The following ABLIM2 variants were observed in gnomAD, a reference collection of about 807,000 sequenced individuals.
ABLIM2 encodes actin-binding LIM protein 2.
ABLIM2 carries 53 observed loss-of-function variants against 97.7 expected under a neutral mutation model. That is an observed-to-expected ratio of 0.54 (90% CI 0.44 to 0.68). The LOEUF (loss-of-function observed/expected upper bound fraction) is 0.68. ABLIM2 is among the 30% of genes least tolerant of loss of function. The pLI is 0.00. For missense variants in ABLIM2, 835 were observed against 867.2 expected (o/e 0.96, Z 0.47); for synonymous variants, 361 against 345.8 (o/e 1.04, Z -0.49).
chr4:8,132,967 G>C lies in ABLIM2; in HGVS notation c.10+25713C>G, dbSNP rs1179576846. 6.6e-6 allele frequency among the ~76,000 whole-genome samples: 1 copy of C among 152,150 alleles called. No individual in the cohort carries two copies. Among genetic ancestry groups the C allele is most frequent in the East Asian group, 1.9e-4 (1 of 5,190 alleles). On this transcript the variant is annotated intron_variant, in intron 1 of 20. Coordinates refer to ENST00000447017, the MANE Select transcript of ABLIM2 (RefSeq NM_001130083.2). The surrounding 1 kb of genome is among the most constrained non-coding windows in gnomAD (Gnocchi z 8.0). ...GCCACAGACGGCAGCTTAACAACAGGCATTTACTCTCCCCGGTTCTGGAGA... is the reference window on the plus strand; with the variant it reads ...GCCACAGACGGCAGCTTAACAACAGCCATTTACTCTCCCCGGTTCTGGAGA...
chr4:8,074,680 A>G (rs1814737545), intron 6 of ABLIM2, among the ~76,000 whole-genome samples: 1 of 152,064 alleles, frequency 6.6e-6, no homozygotes, highest in African/African-American at 2.4e-5. Flanking sequence ...CAAACAAAGC[A>G]TTATTTTTAA....
chr4:8,106,579 C>T lies in ABLIM2; in HGVS notation c.69G>A (p.Leu23=). ...TGCACACATTCCCACACGTGTTGCA[C>T]AGGATCGCCGTGCTGGGCGACTTCT... ...PLEKSPSTAI[L]CNTCGNVCKG... Residue 23 remains leucine, a synonymous_variant, in exon 2 of 21, where the codon CTG becomes CTA. Transcript: ENST00000447017. 5 of 1,611,318 alleles carry T rather than the reference C, an allele frequency of 3.1e-6. No homozygotes were observed. Among genetic ancestry groups the T allele is most frequent in the Non-Finnish European group, 4.2e-6 (5 of 1,179,028 alleles).
At chr4:8,118,641 C>A (rs1212405806) in intron 1 of ABLIM2, among the ~76,000 whole-genome samples, 1 of 151,962 alleles carries the variant, frequency 6.6e-6, no homozygotes, top group Admixed American at 6.5e-5. Context: ...TGGTACCCAC[C>A]TGGTTGCCTG....
intron 2 of ABLIM2, among the ~76,000 whole-genome samples, chr4:8,104,990 C>A (rs188375255): frequency 6.6e-6 from 1 of 152,188 alleles, no homozygotes; most frequent in African/African-American, 2.4e-5. Context: ...ACCCTCAAGG[C>A]GCCTCCACAG....
In ABLIM2 at chr4:8,150,527, C is replaced by T. The variant is rs1712298412; in HGVS notation, c.10+8153G>A. On this transcript the variant is annotated intron_variant, in intron 1 of 20. Coordinates refer to ENST00000447017, the MANE Select transcript of ABLIM2 (RefSeq NM_001130083.2). The surrounding 1 kb of genome is among the most constrained non-coding windows in gnomAD (Gnocchi z 6.3). ...TGGTGCGCTGGCTGGACTCACATTT[C>T]CAGATCGTCTCTCTAACTCGTCTCT... Among the ~76,000 whole-genome samples, 1 of 152,244 alleles carries T rather than the reference C, an allele frequency of 6.6e-6. No individual in the cohort carries two copies. Among genetic ancestry groups the T allele is most frequent in the Admixed American group, 6.5e-5 (1 of 15,286 alleles).
Position 7,998,923 on chromosome 4 carries a change from G to C in ABLIM2, c.1619-5996C>G, listed in dbSNP as rs1451182095. Among the ~76,000 whole-genome samples the C allele has an allele frequency of 1.3e-5, 2 of 152,344 alleles. No individual in the cohort carries two copies. The highest frequency in any genetic ancestry group is 3.9e-4 in the East Asian group (2 of 5,190). ...TAGCTGTATGTAGCAGAGAAGAGCA[G>C]AGAGAGACGAGGCGACACTATCTCA... On this transcript the variant is annotated intron_variant, in intron 16 of 20. Coordinates refer to ENST00000447017, the MANE Select transcript of ABLIM2 (RefSeq NM_001130083.2). The surrounding 1 kb of genome is among the most constrained non-coding windows in gnomAD (Gnocchi z 6.4).
rs879445735 is a variant in ABLIM2, at chr4:7,966,830, C to T, written c.*160G>A. On this transcript the variant is annotated 3_prime_UTR_variant, in exon 21 of 21. Coordinates refer to ENST00000447017, the MANE Select transcript of ABLIM2 (RefSeq NM_001130083.2). ...CCTAAACTACCGGCAGGAGTGTCGC[C>T]GGCAGGTGCAGGGGCCGCACCTGCT... 5 of 590,256 alleles carry T rather than the reference C, an allele frequency of 8.5e-6. No individual in the cohort carries two copies. Among genetic ancestry groups the T allele is most frequent in the Non-Finnish European group, 9.0e-6 (3 of 333,474 alleles). 36.6% of individuals were successfully genotyped at this position (590,256 alleles called of 1,614,324 possible).
chr4:8,022,357 A>G lies in ABLIM2; in HGVS notation c.1268-2054T>C, dbSNP rs76105036. ...CCCCAGTTCCCAGCCACAGGGCAGC[A>G]TCCCCTGAAGTTTCAAACCAGAGTC... On this transcript the variant is annotated intron_variant, in intron 12 of 20. Transcript: ENST00000447017. This position sits in a 1 kb window ranked among gnomAD's most constrained non-coding sequence, Gnocchi z 7.8. Among the ~76,000 whole-genome samples the G allele has an allele frequency of 0.022, 3,288 of 152,306 alleles. 36 individuals are homozygous for G. The highest frequency in any genetic ancestry group is 0.033 in the Non-Finnish European group (2,237 of 68,014).
intron 1 of ABLIM2, among the ~76,000 whole-genome samples, chr4:8,154,487 G>A (rs6811963): frequency 0.01 from 1,206 of 120,344 alleles, 8 homozygotes; most frequent in African/African-American, 0.028. Context: ...TCACCATGTT[G>A]GCCAGGATGG....
intron 4 of ABLIM2, among the ~76,000 whole-genome samples, chr4:8,084,416 G>A (rs1433828228): frequency 2.0e-5 from 3 of 152,166 alleles, no homozygotes; most frequent in African/African-American, 7.2e-5. Flanking sequence ...TGTTTCCCAG[G>A]CAGCCAGCAA....
At chr4:8,096,166 G>A (rs930181110) in intron 3 of ABLIM2, among the ~76,000 whole-genome samples, 1 of 152,138 alleles carries the variant, frequency 6.6e-6, no homozygotes, top group South Asian at 2.1e-4. Context: ...GCCTCGCCTC[G>A]CTTAACTTGT....
rs559808698 is a variant in ABLIM2 at position 8,065,221 on chromosome 4, C to T, written c.676-4167G>A. On this transcript the variant is annotated intron_variant, in intron 6 of 20. Coordinates refer to ENST00000447017, the MANE Select transcript of ABLIM2 (RefSeq NM_001130083.2). Reference sequence around the variant, plus strand: ...GAGCTCTGATCATGCCACTGCACTCCAGCCTGGATGACAGAGTGAAACCCA... The same window carrying T: ...GAGCTCTGATCATGCCACTGCACTCTAGCCTGGATGACAGAGTGAAACCCA... Among the ~76,000 whole-genome samples the T allele has an allele frequency of 4.6e-5, 7 of 152,318 alleles. No individual in the cohort carries two copies. In the South Asian group the frequency reaches 1.5e-3, roughly 32 times the overall value.
At chr4:8,060,769 T>C (rs1166073566) in intron 7 of ABLIM2, among the ~76,000 whole-genome samples, 198 bp downstream of exon 7, 4 of 152,164 alleles carry the variant, frequency 2.6e-5, no homozygotes. Flanking sequence ...CTGAGATCAT[T>C]GGACAGACAA....
At chr4:8,035,511 C>T (rs779710127) in intron 10 of ABLIM2, among the ~76,000 whole-genome samples, 12 of 152,226 alleles carry the variant, frequency 7.9e-5, no homozygotes, top group Non-Finnish European at 1.3e-4. Context: ...AACAGCCTGG[C>T]AACGCCTCCT....
Position 8,061,186 on chromosome 4 carries a change from A to C in ABLIM2, c.676-132T>G. 3 of 762,830 alleles carry C rather than the reference A, an allele frequency of 3.9e-6. No homozygotes were observed. Among genetic ancestry groups the C allele is most frequent in the Admixed American group, 2.3e-5 (1 of 43,908 alleles). 47.3% of individuals were successfully genotyped at this position (762,830 alleles called of 1,614,324 possible). On this transcript the variant is annotated intron_variant, in intron 6 of 20. Transcript: ENST00000447017. The surrounding 1 kb of genome is among the most constrained non-coding windows in gnomAD (Gnocchi z 4.5). ...GATACTGGAAGGGCCAGCCCCCACC[A>C]TCGGGACCCAAGACCCCTGAGCAGA...
In ABLIM2 at chr4:8,150,597, C is replaced by T. The variant is rs577642446; in HGVS notation, c.10+8083G>A. Among the ~76,000 whole-genome samples the T allele has an allele frequency of 3.9e-5, 6 of 152,346 alleles. No individual in the cohort carries two copies. The highest frequency in any genetic ancestry group is 4.1e-4 in the South Asian group (2 of 4,832). On this transcript the variant is annotated intron_variant, in intron 1 of 20. Coordinates refer to ENST00000447017, the MANE Select transcript of ABLIM2 (RefSeq NM_001130083.2). This position sits in a 1 kb window ranked among gnomAD's most constrained non-coding sequence, Gnocchi z 6.3. ...AGTCCCAAACTTCCAGCACAGGGTG[C>T]GAGCTCCGTGCCGGAGGCGGGAGGA...
At chr4:7,985,523 T>C (rs1347109531) in intron 17 of ABLIM2, among the ~76,000 whole-genome samples, 2 of 151,954 alleles carry the variant, frequency 1.3e-5, no homozygotes, top group Non-Finnish European at 2.9e-5. Context: ...TGCGTGCGAG[T>C]CAAAGTCCAT....
chr4:8,036,065 G>A (rs1468370573), intron 10 of ABLIM2, 84 bp downstream of exon 10: 1 of 1,515,378 alleles, frequency 6.6e-7, no homozygotes, highest in Non-Finnish European at 8.9e-7. Context: ...TGGCCCCATA[G>A]GACACATGCT....
rs1329855428 is a variant in ABLIM2, at chr4:7,981,370, C to T, written c.1824+1894G>A. On this transcript the variant is annotated intron_variant, in intron 20 of 20. Coordinates refer to ENST00000447017, the MANE Select transcript of ABLIM2 (RefSeq NM_001130083.2). ...ACCTATGACCTGTAAGCCCCCACCTCGAGTTGTCCCACCTTTCCAGACCGA... is the reference window on the plus strand; with the variant it reads ...ACCTATGACCTGTAAGCCCCCACCTTGAGTTGTCCCACCTTTCCAGACCGA... Among the ~76,000 whole-genome samples, 3 of 152,172 alleles carry T rather than the reference C, an allele frequency of 2.0e-5. No individual in the cohort carries two copies. In the East Asian group the frequency reaches 5.8e-4, roughly 29 times the overall value.
Sources: gnomAD v4.1 joint callset for allele counts (sites outside exome capture counted in the v4.1 genomes callset) on GRCh38, gnomAD v4.1.1 for gene constraint, Gnocchi (gnomAD v3.1) non-coding constraint, MANE v1.5 for transcripts, NCBI Gene and HGNC (gene_info 2026-07-23, HGNC 2026-07-21) for gene names.